The following SLC30A7 variants were observed in gnomAD, a reference collection of about 807,000 sequenced individuals.
SLC30A7 encodes the protein solute carrier family 30 member 7.
Under a neutral mutation model 46.0 loss-of-function variants are expected in SLC30A7, and 35 were observed. The ratio of observed to expected loss-of-function variants is 0.76; its 90% CI spans 0.58 to 1.01. The LOEUF is 1.01. Ranked by LOEUF, SLC30A7 falls within the 50% of genes least tolerant of loss-of-function variation. SLC30A7 has a pLI of 0.00. For missense variants in SLC30A7, 464 were observed against 451.1 expected, an observed-to-expected ratio of 1.03 and a Z score of -0.26; for synonymous variants, 147 against 157.8, an observed-to-expected ratio of 0.93 and a Z score of 0.51.
chr1:100,948,033 A>G (rs1205487633), intron 8 of SLC30A7, among the ~76,000 whole-genome samples: 1 of 152,154 alleles, frequency 6.6e-6, no homozygotes, highest in Non-Finnish European at 1.5e-5. Context: ...TAATTGGGGC[A>G]TTTAACCCAT....
intron 2 of SLC30A7, among the ~76,000 whole-genome samples, chr1:100,899,058 G>C (rs1651142027): frequency 6.6e-6 from 1 of 152,182 alleles, no homozygotes; most frequent in South Asian, 2.1e-4. Flanking sequence ...CTTAATTATA[G>C]TTGATTTATA....
chr1:100,968,630 A>G (rs1452675889), intron 10 of SLC30A7, among the ~76,000 whole-genome samples: 2 of 152,154 alleles, frequency 1.3e-5, no homozygotes, highest in African/African-American at 4.8e-5. Context: ...CAAACCCACC[A>G]GACTGTTTAC....
rs536200763 is a variant in SLC30A7, at chr1:100,904,565, AT to A, written c.183-2279del. Among the ~76,000 whole-genome samples, 413 of 151,912 alleles carry A rather than the reference AT, an allele frequency of 2.7e-3. 7 individuals are homozygous for A. The highest frequency in any genetic ancestry group is 9.7e-3 in the African/African-American group (402 of 41,422). ...TTTTTGGCTCTTTGTGTATTTTGAA[AT>A]TTTTTTTATCAAATATTGGACATTA... is the stretch of plus-strand genomic sequence containing the variant. On this transcript the variant is annotated intron_variant, in intron 2 of 10. Transcript: ENST00000357650.
At chr1:100,901,113 C>G (rs962186621) in intron 2 of SLC30A7, among the ~76,000 whole-genome samples, 1 of 152,150 alleles carries the variant, frequency 6.6e-6, no homozygotes, top group Non-Finnish European at 1.5e-5. Context: ...ATCCACCCCC[C>G]CTTAACATAA....
intron 10 of SLC30A7, among the ~76,000 whole-genome samples, chr1:100,969,278 T>C (rs1656023873): frequency 6.6e-6 from 1 of 152,210 alleles, no homozygotes; most frequent in Non-Finnish European, 1.5e-5. Flanking sequence ...GACAACAAGA[T>C]AACCAGGCTA....
intron 4 of SLC30A7, 108 bp downstream of exon 4, chr1:100,911,258 C>A: frequency 2.7e-6 from 2 of 728,790 alleles, no homozygotes; most frequent in Non-Finnish European, 4.4e-6. Context: ...ATATTGTGGA[C>A]AATCTTAGAT....
chr1:100,977,839 C>A lies in SLC30A7; in HGVS notation c.*2982C>A, dbSNP rs41306171. ...CGCAGTCTCAGCTCACTGCAACCTC[C>A]ACCTCCCGGGTTCAAGTGATTCTCC... is the stretch of plus-strand genomic sequence containing the variant. On this transcript the variant is annotated 3_prime_UTR_variant, in exon 11 of 11. Coordinates refer to ENST00000357650, the MANE Select transcript of SLC30A7 (RefSeq NM_133496.5). 5.9e-5 allele frequency: 9 copies of A among 152,166 alleles called. No individual in the cohort carries two copies. Among genetic ancestry groups the A allele is most frequent in the Non-Finnish European group, 1.2e-4 (8 of 68,050 alleles). The allele number at this position is 152,166 out of a possible 1,614,324, so 9.4% of individuals were successfully genotyped here.
chr1:100,906,314 G>T (rs537902064), intron 2 of SLC30A7, among the ~76,000 whole-genome samples: 1 of 152,074 alleles, frequency 6.6e-6, no homozygotes, highest in Non-Finnish European at 1.5e-5. Context: ...GTGGGACTAG[G>T]TTCTCTTGTT....
intron 2 of SLC30A7, 117 bp downstream of exon 2, chr1:100,896,788 C>CCT (rs1185352584): frequency 9.6e-6 from 8 of 830,700 alleles, no homozygotes; most frequent in Admixed American, 6.2e-5. Context: ...TTGTTACCTA[C>CCT]CTCTGCTGCT....
intron 8 of SLC30A7, among the ~76,000 whole-genome samples, chr1:100,952,914 T>C (rs1201246609): frequency 6.6e-6 from 1 of 152,144 alleles, no homozygotes; most frequent in Non-Finnish European, 1.5e-5. Flanking sequence ...AGTATACCAT[T>C]TTTAACTTGT....
intron 8 of SLC30A7, among the ~76,000 whole-genome samples, chr1:100,961,525 A>C (rs1449415521): frequency 2.6e-5 from 4 of 152,198 alleles, no homozygotes; most frequent in Non-Finnish European, 5.9e-5. Flanking sequence ...GGTTCTGACC[A>C]CGTGGAGTCA....
At chr1:100,969,397 T>A (rs1056357788) in intron 10 of SLC30A7, among the ~76,000 whole-genome samples, 4 of 152,302 alleles carry the variant, frequency 2.6e-5, no homozygotes, top group South Asian at 2.1e-4. Context: ...TGAGCTTCTG[T>A]TGAATTCTAG....
In SLC30A7 at chr1:100,921,834, G is replaced by C; in HGVS notation, c.835G>C (p.Val279Leu). ...TTCAATTCTTATAGCCATTCTTATA[G>C]TTGTAAGGTAAGTGTTATTGTTACT... The part of the protein sequence containing the change: ...ICSILIAILI[V>L]VSVIPLLRES... Residue 279 changes from valine (V) to leucine (L), a missense_variant, in exon 8 of 11, where the codon GTT becomes CTT. Physicochemically the swap from Val to Leu is conservative, Grantham distance 32. Coordinates refer to ENST00000357650, the MANE Select transcript of SLC30A7 (RefSeq NM_133496.5). 6.2e-7 allele frequency: 1 copy of C among 1,603,888 alleles called. No individual in the cohort carries two copies. The highest frequency in any genetic ancestry group is 8.5e-7 in the Non-Finnish European group (1 of 1,174,442).
At chr1:100,909,662 T>C (rs1651951854) in intron 3 of SLC30A7, among the ~76,000 whole-genome samples, 3 of 152,074 alleles carry the variant, frequency 2.0e-5, no homozygotes, top group Admixed American at 1.3e-4. Flanking sequence ...TTAACAAATA[T>C]ATCTTAAACT....
chr1:100,985,955 A>C (rs1657240688), downstream of SLC30A7, among the ~76,000 whole-genome samples: 1 of 152,248 alleles, frequency 6.6e-6, no homozygotes, highest in Admixed American at 6.5e-5. Context: ...AATATGTAAT[A>C]AACACTCAAA....
In SLC30A7 at chr1:100,981,632, T is replaced by G. The variant is rs1656936364; in HGVS notation, c.*6775T>G. On this transcript the variant is annotated 3_prime_UTR_variant, in exon 11 of 11. Transcript: ENST00000357650. ...CAAGTGCAATACAACAAATCTATAA[T>G]GTATATTTCACATTTTCTACTTGAA... is the stretch of plus-strand genomic sequence containing the variant. The G allele has an allele frequency of 6.6e-6, 1 of 152,238 alleles. No individual in the cohort carries two copies. Among genetic ancestry groups the G allele is most frequent in the African/African-American group, 2.4e-5 (1 of 41,470 alleles). 9.4% of individuals were successfully genotyped at this position (152,238 alleles called of 1,614,324 possible). A position where few individuals can be genotyped will look rare whatever the true frequency, so the allele number is the denominator to read the frequency against.
At chr1:100,971,635 A>G (rs1656166570) in intron 10 of SLC30A7, among the ~76,000 whole-genome samples, 1 of 152,136 alleles carries the variant, frequency 6.6e-6, no homozygotes, top group Non-Finnish European at 1.5e-5. Context: ...ATCAGTACCT[A>G]ACATATTAAA....
In SLC30A7 at chr1:100,980,400, T is replaced by C. The variant is rs995085405; in HGVS notation, c.*5543T>C. The C allele has an allele frequency of 9.2e-5, 14 of 152,136 alleles. No individual in the cohort carries two copies. The highest frequency in any genetic ancestry group is 3.4e-4 in the African/African-American group (14 of 41,450). The allele number at this position is 152,136 out of a possible 1,614,324, so 9.4% of individuals were successfully genotyped here. ...TAATGTTGACTTCTTACAACAGCCTTGAAAATTATTTGTAATTTTGATCAT... is the reference window on the plus strand; with the variant it reads ...TAATGTTGACTTCTTACAACAGCCTCGAAAATTATTTGTAATTTTGATCAT... On this transcript the variant is annotated 3_prime_UTR_variant, in exon 11 of 11. Transcript: ENST00000357650.
chr1:100,920,340 A>G (rs1652862590), intron 7 of SLC30A7, among the ~76,000 whole-genome samples: 1 of 152,012 alleles, frequency 6.6e-6, no homozygotes, highest in South Asian at 2.1e-4. Context: ...TAAAAGTTAA[A>G]GTGGCCCCAA....
Sources: allele counts gnomAD v4.1 joint callset (sites outside exome capture counted in the v4.1 genomes callset), GRCh38; gene constraint gnomAD v4.1.1; transcripts MANE v1.5; gene names NCBI Gene and HGNC (gene_info 2026-07-23, HGNC 2026-07-21).